Variants in SMG7 observed in about 807,000 individuals in gnomAD.
SMG7 encodes nonsense-mediated mRNA decay factor SMG7.
A neutral mutation model predicts 148.2 loss-of-function variants in SMG7; 34 were observed. The ratio of observed to expected loss-of-function variants is 0.23; its 90% CI spans 0.17 to 0.31. The LOEUF (loss-of-function observed/expected upper bound fraction) is 0.31, where lower values mean the gene tolerates loss of function less well. Ranked by LOEUF, SMG7 falls within the 10% of genes least tolerant of loss-of-function variation. The pLI, the probability that SMG7 is intolerant of heterozygous loss-of-function variation, is 1.00. For missense variants in SMG7, 1,114 were observed against 1,408.4 expected, an observed-to-expected ratio of 0.79 and a Z score of 3.35; for synonymous variants, 492 against 515.1, an observed-to-expected ratio of 0.96 and a Z score of 0.61.
intron 1 of SMG7, chr1:183,473,856 A>C (rs1651405886): frequency 1.0e-6 from 1 of 985,288 alleles, no homozygotes; most frequent in African/African-American, 1.7e-5. Context: ...TAGTGACATG[A>C]AAGTATTGAC....
In SMG7 at chr1:183,552,088, A is replaced by G. The variant is rs1671162508; in HGVS notation, c.*157A>G. ...TCCACCAGCCCGCTGAGTGTGCACG[A>G]AATGTTCGCAGTGCAACAAAAAGAA... On this transcript the variant is annotated 3_prime_UTR_variant, in exon 23 of 23. Transcript: ENST00000688051. The G allele has an allele frequency of 3.0e-6, 4 of 1,320,732 alleles. No individual in the cohort carries two copies. The highest frequency in any genetic ancestry group is 3.9e-6 in the Non-Finnish European group (4 of 1,023,808). 81.8% of individuals were successfully genotyped at this position (1,320,732 alleles called of 1,614,324 possible).
intron 1 of SMG7, among the ~76,000 whole-genome samples, chr1:183,510,083 G>C (rs1661794386): frequency 6.6e-6 from 1 of 152,152 alleles, no homozygotes; most frequent in Admixed American, 6.5e-5. Context: ...TGTTTGGAAT[G>C]AGAAAACAAC....
intron 1 of SMG7, among the ~76,000 whole-genome samples, chr1:183,480,811 T>C (rs1048826780): frequency 6.6e-6 from 1 of 152,188 alleles, no homozygotes; most frequent in African/African-American, 2.4e-5. Flanking sequence ...ACTGTTACCT[T>C]ACCTGCATTT....
chr1:183,549,680 C>T, intron 19 of SMG7, 84 bp from the exon 20 acceptor site: 1 of 1,083,508 alleles, frequency 9.2e-7, no homozygotes, highest in Non-Finnish European at 1.4e-6. Flanking sequence ...TTAAGGTGTA[C>T]CAAGCATCCA....
At chr1:183,495,791 C>G (rs1186438579) in intron 1 of SMG7, among the ~76,000 whole-genome samples, 1 of 151,950 alleles carries the variant, frequency 6.6e-6, no homozygotes, top group East Asian at 1.9e-4. Flanking sequence ...TCGCTTGAAC[C>G]CAGGAGGCAG....
intron 2 of SMG7, among the ~76,000 whole-genome samples, chr1:183,515,486 G>A (rs1003227641): frequency 3.3e-5 from 5 of 152,050 alleles, no homozygotes; most frequent in South Asian, 2.1e-4. Context: ...TACAGTATGA[G>A]AGTAAACAGA....
At chr1:183,515,100 T>C (rs1413328782) in intron 2 of SMG7, among the ~76,000 whole-genome samples, 2 of 152,216 alleles carry the variant, frequency 1.3e-5, no homozygotes, top group East Asian at 3.8e-4. Context: ...GTGCCTTGCA[T>C]GACTCTGGCA....
intron 1 of SMG7, among the ~76,000 whole-genome samples, chr1:183,489,005 C>G (rs141188683): frequency 1.3e-5 from 2 of 151,844 alleles, no homozygotes; most frequent in East Asian, 3.9e-4. Flanking sequence ...TCTTTTTAAC[C>G]CTAATTATTT....
chr1:183,550,412 T>G (rs1331245720), intron 20 of SMG7, among the ~76,000 whole-genome samples: 3 of 152,254 alleles, frequency 2.0e-5, no homozygotes, highest in Non-Finnish European at 2.9e-5. Context: ...GAGTCTGACT[T>G]AATAGTAATT....
At chr1:183,524,692 T>C (rs900141783) in intron 4 of SMG7, among the ~76,000 whole-genome samples, 7 of 152,320 alleles carry the variant, frequency 4.6e-5, no homozygotes, top group African/African-American at 9.6e-5. Context: ...CTTAGTCCAG[T>C]CGCTTGATTA....
intron 1 of SMG7, among the ~76,000 whole-genome samples, chr1:183,511,758 G>T (rs1662207825): frequency 6.6e-6 from 1 of 152,180 alleles, no homozygotes; most frequent in Admixed American, 6.5e-5. Context: ...AGAATGAAGT[G>T]GAGGAAACAA....
At chr1:183,506,875 C>CTTTTTTTT (rs71130622) in intron 1 of SMG7, among the ~76,000 whole-genome samples, 2 of 111,828 alleles carry the variant, frequency 1.8e-5, no homozygotes, top group Admixed American at 1.0e-4. Context: ...ACTATATATT[C>CTTTTTTTT]TTTTTTTTTT....
intron 1 of SMG7, among the ~76,000 whole-genome samples, chr1:183,512,447 G>A (rs1328624394): frequency 1.3e-5 from 2 of 152,098 alleles, no homozygotes; most frequent in African/African-American, 4.8e-5. Flanking sequence ...GGGGAAATTT[G>A]AAATAGTTAT....
chr1:183,519,414 A>C (rs1004312093), intron 4 of SMG7, among the ~76,000 whole-genome samples: 4 of 151,576 alleles, frequency 2.6e-5, no homozygotes, highest in Non-Finnish European at 5.9e-5. Context: ...TGGTCCTTAA[A>C]GCAGATGTTA....
At chr1:183,541,153 AAC>A (rs1258238513) in intron 13 of SMG7, 50 bp downstream of exon 13, 1 of 1,581,074 alleles carries the variant, frequency 6.3e-7, no homozygotes, top group East Asian at 2.2e-5. Context: ...TTTTTAGATA[AAC>A]ACATGCGCGC....
Position 183,546,098 on chromosome 1 carries a change from T to TTGCAACCTCCTGTAA in SMG7, c.2508_2522dup (p.Pro837_Gln841dup). 1.2e-6 allele frequency: 2 copies of TTGCAACCTCCTGTAA among 1,614,012 alleles called. No homozygotes were observed. Among genetic ancestry groups the TTGCAACCTCCTGTAA allele is most frequent in the Non-Finnish European group, 1.7e-6 (2 of 1,179,966 alleles). On this transcript the variant is annotated inframe_insertion, in exon 17 of 23. Coordinates refer to ENST00000688051, the MANE Select transcript of SMG7 (RefSeq NM_001375584.1). ...CCCCATAAAACTGTTTGAGCCGTCA[T>TTGCAACCTCCTGTAA]TGCAACCTCCTGTAATGCAGCAGCA...
intron 18 of SMG7, 99 bp from the exon 19 acceptor site, chr1:183,549,109 A>G (rs1377658028): frequency 7.1e-6 from 6 of 849,360 alleles, no homozygotes; most frequent in Non-Finnish European, 1.1e-5. Context: ...CAGTGGGCGA[A>G]TACAGGCATG....
chr1:183,535,715 A>G (rs1667640900), intron 10 of SMG7, among the ~76,000 whole-genome samples: 1 of 152,174 alleles, frequency 6.6e-6, no homozygotes, highest in Non-Finnish European at 1.5e-5. Context: ...TAATGAATAC[A>G]TGGAATAGTG....
chr1:183,537,064 T>C (rs1223250894), intron 10 of SMG7, 81 bp from the exon 11 acceptor site: 4 of 960,850 alleles, frequency 4.2e-6, no homozygotes, highest in South Asian at 3.9e-5. Context: ...CCAGGACCTA[T>C]AGATACCATT....
Sources: allele counts gnomAD v4.1 joint callset (sites outside exome capture counted in the v4.1 genomes callset), GRCh38; gene constraint gnomAD v4.1.1; transcripts MANE v1.5; gene names NCBI Gene and HGNC (gene_info 2026-07-23, HGNC 2026-07-21).